Variants in NUP58 observed in about 807,000 individuals in gnomAD.
NUP58 encodes the protein nucleoporin 58.
Under a neutral mutation model 70.1 loss-of-function variants are expected in NUP58, and 17 were observed. That is an observed-to-expected ratio of 0.24 (90% CI 0.17 to 0.36). NUP58 has a LOEUF of 0.36. Among genes scored for constraint, NUP58 ranks in the 10% least tolerant of loss-of-function variants. NUP58 has a pLI of 1.00. For synonymous variants in NUP58, 275 were observed against 257.6 expected (o/e 1.07, Z -0.65); for missense variants, 644 against 701.5 (o/e 0.92, Z 0.93).
intron 7 of NUP58, 32 bp from the exon 8 acceptor site, chr13:25,320,498 T>G (rs1205574637): frequency 6.7e-7 from 1 of 1,489,856 alleles, no homozygotes; most frequent in Non-Finnish European, 9.3e-7. Context: ...AAAATCTCAA[T>G]GACCTTAATA....
At chr13:25,337,448 A>T (rs2031824824) in intron 14 of NUP58, among the ~76,000 whole-genome samples, 1 of 152,122 alleles carries the variant, frequency 6.6e-6, no homozygotes, top group Non-Finnish European at 1.5e-5. Flanking sequence ...GTACTTAGGG[A>T]AATTATTATG....
downstream of NUP58, among the ~76,000 whole-genome samples, chr13:25,344,422 A>C (rs1173329136): frequency 6.6e-6 from 1 of 152,202 alleles, no homozygotes; most frequent in East Asian, 1.9e-4. Flanking sequence ...GACACCTGAG[A>C]AGCATTAGGT....
chr13:25,307,453 A>G (rs1016914688), intron 1 of NUP58, among the ~76,000 whole-genome samples: 4 of 152,008 alleles, frequency 2.6e-5, no homozygotes, highest in Non-Finnish European at 4.4e-5. Context: ...TGACCTTGTG[A>G]TCCACCTGCC....
chr13:25,348,919 T>C (rs2032078485), intron 3 of NUP58, among the ~76,000 whole-genome samples: 2 of 152,186 alleles, frequency 1.3e-5, no homozygotes, highest in African/African-American at 2.4e-5. Flanking sequence ...CCTCTACTTT[T>C]ACCAGTCCCT....
intron 13 of NUP58, chr13:25,336,342 A>C: frequency 2.9e-6 from 3 of 1,036,778 alleles, no homozygotes; most frequent in Non-Finnish European, 4.1e-6. Context: ...TAATAAAATA[A>C]AACATTGTCT....
At position 25,327,463 on chromosome 13, in the gene NUP58, C is replaced by A; in HGVS notation, c.1184C>A (p.Thr395Lys). The A allele has an allele frequency of 6.2e-7, 1 of 1,610,354 alleles. No homozygotes were observed. Among genetic ancestry groups the A allele is most frequent in the Non-Finnish European group, 8.5e-7 (1 of 1,178,306 alleles). ...LSMAMQKIYQ[T>K]FVALAAQLQS... ...ATGGCTATGCAGAAAATTTATCAAA[C>A]ATTTGTAGCTTTAGCGGCACAACTT... Residue 395 changes from threonine to lysine, a missense_variant, in exon 12 of 16, where the codon ACA becomes AAA. Physicochemically the swap from Thr to Lys is moderately conservative, Grantham distance 78. Around this residue, in one of 4 missense-constraint regions of NUP58, gnomAD observed 78 missense variants for 71.3 expected, o/e 1.09. Transcript: ENST00000381736.
intron 3 of NUP58, chr13:25,309,924 CTTTCTTCATT>C: frequency 4.1e-6 from 1 of 242,350 alleles, no homozygotes; most frequent in African/African-American, 2.3e-5. Context: ...GATTGGCAGA[CTTTCTTCATT>C]TGGATGCTAC....
At chr13:25,319,411 A>G in intron 7 of NUP58, 61 bp downstream of exon 7, 1 of 1,448,556 alleles carries the variant, frequency 6.9e-7, no homozygotes, top group Non-Finnish European at 9.7e-7. Flanking sequence ...ATTAAATTGT[A>G]GGCAGATGGT....
intron 13 of NUP58, chr13:25,335,835 T>A (rs1304110721): frequency 9.9e-7 from 1 of 1,008,468 alleles, no homozygotes; most frequent in Non-Finnish European, 1.2e-6. Context: ...ACTTTGACAG[T>A]TCCCTCATCT....
intron 9 of NUP58, among the ~76,000 whole-genome samples, chr13:25,322,269 G>A (rs1462037997): frequency 2.0e-5 from 3 of 152,118 alleles, no homozygotes; most frequent in Non-Finnish European, 4.4e-5. Flanking sequence ...AGGTGCTTTT[G>A]GGTCTTTAAG....
intron 3 of NUP58, among the ~76,000 whole-genome samples, chr13:25,347,838 C>T (rs2032068094): frequency 6.6e-6 from 1 of 152,208 alleles, no homozygotes; most frequent in Non-Finnish European, 1.5e-5. Context: ...AAGAACAATA[C>T]TCTTGTTTTA....
chr13:25,314,206 T>A (rs2030818472), intron 5 of NUP58, among the ~76,000 whole-genome samples: 1 of 152,106 alleles, frequency 6.6e-6, no homozygotes, highest in South Asian at 2.1e-4. Context: ...GTGCTGAGAT[T>A]ACAGGCGTAA....
At chr13:25,332,537 C>CA (rs3839990) in intron 13 of NUP58, 1 of 984,108 alleles carries the variant, frequency 1.0e-6, no homozygotes, top group African/African-American at 1.8e-5. Context: ...ATAATACACA[C>CA]AAAAAAATTA....
intron 12 of NUP58, 136 bp from the exon 13 acceptor site, chr13:25,331,221 T>C (rs2031590072): frequency 1.3e-6 from 1 of 762,214 alleles, no homozygotes; most frequent in African/African-American, 1.7e-5. Flanking sequence ...AGTGCATTAT[T>C]AGCACTCTAA....
chr13:25,333,049 A>G (rs1362455642), intron 13 of NUP58: 1 of 984,676 alleles, frequency 1.0e-6, no homozygotes, highest in African/African-American at 1.7e-5. Flanking sequence ...TGTCAGTTAT[A>G]TAAAAAGTTA....
Position 25,321,000 on chromosome 13 carries a change from T to C in NUP58, c.858T>C (p.Asp286=), listed in dbSNP as rs764891024. Residue 286 remains aspartate (D), a synonymous_variant, in exon 9 of 16, where the codon GAT becomes GAC. Transcript: ENST00000381736. ...SSKAMLKVQE[D]IKALKQLLSL... Reference sequence around the variant, plus strand: ...AAGCAATGCTTAAGGTACAAGAAGATATTAAAGCTCTGAAGCAGCTCCTGT... The same window carrying C: ...AAGCAATGCTTAAGGTACAAGAAGACATTAAAGCTCTGAAGCAGCTCCTGT... The C allele has an allele frequency of 1.1e-5, 18 of 1,600,162 alleles. No individual in the cohort carries two copies. The East Asian group carries it at 3.6e-4, about 32-fold the overall frequency.
At chr13:25,343,110 A>G (rs575088389), downstream of NUP58, among the ~76,000 whole-genome samples, 4 of 152,032 alleles carry the variant, frequency 2.6e-5, no homozygotes, top group African/African-American at 9.6e-5. Flanking sequence ...AGATTTTGGT[A>G]CACCCATCAC....
At chr13:25,326,796 T>A (rs1012798226) in intron 10 of NUP58, 120 bp from the exon 11 acceptor site, 2 of 507,144 alleles carry the variant, frequency 3.9e-6, no homozygotes, top group African/African-American at 4.0e-5. Context: ...GTCCTTCCTT[T>A]CCTTGGATAA....
At chr13:25,310,882 G>T (rs1030728687) in intron 3 of NUP58, among the ~76,000 whole-genome samples, 9 of 152,132 alleles carry the variant, frequency 5.9e-5, no homozygotes, top group Admixed American at 2.0e-4. Context: ...TCTACATAAT[G>T]CCTTGAACAT....
Sources: gnomAD v4.1 joint callset for allele counts (sites outside exome capture counted in the v4.1 genomes callset) on GRCh38, gnomAD v4.1.1 for gene constraint, gnomAD v4.1.1 regional missense constraint, MANE v1.5 for transcripts, NCBI Gene and HGNC (gene_info 2026-07-23, HGNC 2026-07-21) for gene names.